The following EPHB1 variants were observed in gnomAD, a reference collection of about 807,000 sequenced individuals.
EPHB1 encodes the protein ephrin type-B receptor 1.
In EPHB1, 30 loss-of-function variants were observed where a neutral mutation model predicts 94.4. The ratio of observed to expected loss-of-function variants is 0.32; its 90% CI spans 0.24 to 0.43. The LOEUF (loss-of-function observed/expected upper bound fraction) is 0.43, where lower values mean the gene tolerates loss of function less well. EPHB1 is among the 20% of genes least tolerant of loss of function. The pLI, the probability that EPHB1 is intolerant of heterozygous loss-of-function variation, is 1.00. For synonymous variants in EPHB1, 522 were observed against 489.1 expected (o/e 1.07, Z -0.89); for missense variants, 1,055 against 1,308.3 (o/e 0.81, Z 2.99).
At chr3:135,074,320 T>C (rs1403934843) in intron 3 of EPHB1, among the ~76,000 whole-genome samples, 2 of 152,244 alleles carry the variant, frequency 1.3e-5, no homozygotes, top group Non-Finnish European at 2.9e-5. Flanking sequence ...AATCAATGGA[T>C]ATTTGTTGAA....
intron 1 of EPHB1, among the ~76,000 whole-genome samples, chr3:134,811,383 C>T (rs898031258): frequency 2.7e-5 from 4 of 150,578 alleles, no homozygotes; most frequent in East Asian, 4.0e-4. Flanking sequence ...GAATTATAGG[C>T]GAGCACCACC....
At chr3:134,919,841 GGTGT>G (rs10663205) in intron 1 of EPHB1, among the ~76,000 whole-genome samples, 7,491 of 149,702 alleles carry the variant, frequency 0.05, 227 homozygotes, top group Non-Finnish European at 0.065. Flanking sequence ...TTAGGGCAGG[GGTGT>G]GTGTGTGTGT....
intron 3 of EPHB1, among the ~76,000 whole-genome samples, chr3:134,995,260 T>C (rs555572134): frequency 9.8e-5 from 15 of 152,346 alleles, no homozygotes; most frequent in African/African-American, 3.4e-4. Flanking sequence ...GGCTTTTTTT[T>C]CACTCAACAT....
intron 13 of EPHB1, among the ~76,000 whole-genome samples, chr3:135,246,465 A>G (rs971122758): frequency 1.3e-5 from 2 of 152,178 alleles, no homozygotes; most frequent in Non-Finnish European, 2.9e-5. Context: ...CGACACCTCC[A>G]GGGGCTGTTC....
Position 135,052,945 on chromosome 3 carries a change from A to ATATATATATGTGTG in EPHB1, c.806-53494_806-53493insGTGTGTATATATAT, listed in dbSNP as rs1489687920. ...TGTGTGTGTGTGTATATATGTGTGTATATATATATATGTGTGTATATATAT... is the reference window on the plus strand; with the variant it reads ...TGTGTGTGTGTGTATATATGTGTGTATATATATATGTGTGTATATATATATGTGTGTATATATAT... On this transcript the variant is annotated intron_variant, in intron 3 of 15. Transcript: ENST00000398015. Among the ~76,000 whole-genome samples the ATATATATATGTGTG allele has an allele frequency of 4.2e-3, 361 of 86,584 alleles. 15 individuals are homozygous for ATATATATATGTGTG. The highest frequency in any genetic ancestry group is 0.026 in the African/African-American group (338 of 12,782). The allele number at this position is 86,584 out of a possible 152,430, so 56.8% of individuals were successfully genotyped here. A position where few individuals can be genotyped will look rare whatever the true frequency, so the allele number is the denominator to read the frequency against.
intron 1 of EPHB1, among the ~76,000 whole-genome samples, chr3:134,838,997 A>C (rs1182371836): frequency 6.6e-6 from 1 of 152,202 alleles, no homozygotes; most frequent in East Asian, 1.9e-4. Flanking sequence ...TTAATTCATC[A>C]ATTAATATTC....
chr3:134,915,996 CGAGAGCAGATTGGTCTGTTTTACA>C (rs1560295035), intron 1 of EPHB1, among the ~76,000 whole-genome samples: 1 of 152,124 alleles, frequency 6.6e-6, no homozygotes, highest in Admixed American at 6.5e-5. Context: ...TCCATTTTAC[CGAGAGCAGATTGGTCTGTTTTACA>C]GAGAGCTGAT....
chr3:134,888,866 C>T (rs2037910854), intron 1 of EPHB1, among the ~76,000 whole-genome samples: 2 of 152,234 alleles, frequency 1.3e-5, no homozygotes, highest in Admixed American at 6.5e-5. Flanking sequence ...GCAAGGTGGA[C>T]ACAATCTCTG....
chr3:134,917,585 C>T lies in EPHB1; in HGVS notation c.59-8231C>T, dbSNP rs145299830. On this transcript the variant is annotated intron_variant, in intron 1 of 15. Coordinates refer to ENST00000398015, the MANE Select transcript of EPHB1 (RefSeq NM_004441.5). Reference sequence around the variant, plus strand: ...ATTGCACCTTGGAACACAAAAGAAACAGAAGGAGGAGGATGTAGTGGGGAG... The same window carrying T: ...ATTGCACCTTGGAACACAAAAGAAATAGAAGGAGGAGGATGTAGTGGGGAG... Among the ~76,000 whole-genome samples, 877 of 152,326 alleles carry T rather than the reference C, an allele frequency of 5.8e-3. 4 individuals are homozygous for T. The highest frequency in any genetic ancestry group is 0.02 in the African/African-American group (833 of 41,566).
At chr3:134,970,569 T>A (rs534361289) in intron 3 of EPHB1, among the ~76,000 whole-genome samples, 2 of 152,302 alleles carry the variant, frequency 1.3e-5, no homozygotes, top group Admixed American at 6.5e-5. Flanking sequence ...GTAGGCTATA[T>A]GAGGACAGCG....
intron 3 of EPHB1, chr3:134,977,899 A>G (rs907661573): frequency 4.7e-5 from 21 of 447,844 alleles, no homozygotes; most frequent in African/African-American, 4.2e-4. Flanking sequence ...CCCTGGTTCT[A>G]CCTGTGAAGG....
At chr3:135,068,429 G>A (rs1460371842) in intron 3 of EPHB1, among the ~76,000 whole-genome samples, 1 of 152,030 alleles carries the variant, frequency 6.6e-6, no homozygotes, top group Admixed American at 6.5e-5. Context: ...ATGATGTTGA[G>A]CATCTTTTCA....
chr3:135,004,960 A>G (rs4568181), intron 3 of EPHB1, among the ~76,000 whole-genome samples: 16 of 152,254 alleles, frequency 1.1e-4, no homozygotes, highest in East Asian at 1.9e-4. Context: ...CTCTCAGCTC[A>G]TCAAAGTCAT....
At chr3:134,878,875 T>G (rs568583554) in intron 1 of EPHB1, among the ~76,000 whole-genome samples, 1 of 152,346 alleles carries the variant, frequency 6.6e-6, no homozygotes, top group Non-Finnish European at 1.5e-5. Context: ...AGAGGACAAC[T>G]TTTGATGAAA....
chr3:135,247,424 C>T (rs1448390651), intron 13 of EPHB1, among the ~76,000 whole-genome samples: 1 of 152,154 alleles, frequency 6.6e-6, no homozygotes, highest in Admixed American at 6.5e-5. Flanking sequence ...CCTTCTGTTG[C>T]ATTATGGGTG....
intron 3 of EPHB1, among the ~76,000 whole-genome samples, chr3:135,046,935 C>A (rs1264562633): frequency 2.6e-5 from 4 of 152,222 alleles, no homozygotes; most frequent in Non-Finnish European, 5.9e-5. Flanking sequence ...TTTTACTGAA[C>A]TCTTTCCTTG....
chr3:134,848,420 T>G (rs1364484311), intron 1 of EPHB1, among the ~76,000 whole-genome samples: 3 of 152,238 alleles, frequency 2.0e-5, no homozygotes, highest in African/African-American at 7.2e-5. Context: ...AAATAGAAAT[T>G]GTAGCACATT....
At chr3:134,929,534 A>G (rs1489411274) in intron 2 of EPHB1, among the ~76,000 whole-genome samples, 1 of 152,206 alleles carries the variant, frequency 6.6e-6, no homozygotes, top group African/African-American at 2.4e-5. Context: ...TTGCACAGGA[A>G]AAAATGGCAG....
At chr3:134,856,284 G>A (rs1240783211) in intron 1 of EPHB1, among the ~76,000 whole-genome samples, 1 of 152,146 alleles carries the variant, frequency 6.6e-6, no homozygotes, top group Non-Finnish European at 1.5e-5. Context: ...GGGGAGCAAG[G>A]TGGCAGTGTA....
Sources: allele counts gnomAD v4.1 joint callset (sites outside exome capture counted in the v4.1 genomes callset), GRCh38; gene constraint gnomAD v4.1.1; transcripts MANE v1.5; gene names NCBI Gene and HGNC (gene_info 2026-07-23, HGNC 2026-07-21).